The following DLG2 variants were observed in gnomAD, a reference collection of about 807,000 sequenced individuals.
DLG2 encodes disks large homolog 2.
A neutral mutation model predicts 132.5 loss-of-function variants in DLG2; 45 were observed. The observed-to-expected ratio is 0.34, with a 90% CI of 0.27 to 0.44. The LOEUF (loss-of-function observed/expected upper bound fraction) is 0.44, where lower values mean the gene tolerates loss of function less well. Ranked by LOEUF, DLG2 falls within the 20% of genes least tolerant of loss-of-function variation. The pLI, the probability that DLG2 is intolerant of heterozygous loss-of-function variation, is 1.00. For synonymous variants in DLG2, 424 were observed against 419.6 expected, an observed-to-expected ratio of 1.01 and a Z score of -0.13; for missense variants, 1,045 against 1,196.9, an observed-to-expected ratio of 0.87 and a Z score of 1.87.
At chr11:85,592,060 T>C (rs1198428138) in intron 3 of DLG2, among the ~76,000 whole-genome samples, 1 of 152,206 alleles carries the variant, frequency 6.6e-6, no homozygotes, top group East Asian at 1.9e-4. Flanking sequence ...CCCATGCTTC[T>C]CCTATGCCAT....
intron 4 of DLG2, among the ~76,000 whole-genome samples, chr11:85,185,480 C>T (rs1329655209): frequency 6.6e-6 from 1 of 151,970 alleles, no homozygotes; most frequent in Non-Finnish European, 1.5e-5. Flanking sequence ...GTTCTAATGG[C>T]ATCTGCAGTT....
chr11:85,099,766 T>C (rs1221559677), intron 6 of DLG2, among the ~76,000 whole-genome samples: 1 of 152,178 alleles, frequency 6.6e-6, no homozygotes, highest in Non-Finnish European at 1.5e-5. Flanking sequence ...TCCGTGTTTG[T>C]TCCGCAGTGG....
chr11:84,164,395 T>C (rs918518694), intron 8 of DLG2, among the ~76,000 whole-genome samples: 1 of 152,210 alleles, frequency 6.6e-6, no homozygotes, highest in African/African-American at 2.4e-5. Flanking sequence ...GGCAACATCA[T>C]TGGAATTTAG....
intron 7 of DLG2, among the ~76,000 whole-genome samples, chr11:84,287,779 CAA>C (rs4015306): frequency 2.0e-5 from 3 of 147,006 alleles, no homozygotes; most frequent in South Asian, 2.2e-4. Context: ...CACACACACA[CAA>C]ATACTTTATT....
At chr11:84,673,640 T>C (rs187867681) in intron 6 of DLG2, among the ~76,000 whole-genome samples, 11 of 150,118 alleles carry the variant, frequency 7.3e-5, no homozygotes, top group Admixed American at 6.6e-4. Context: ...AATAAATAAA[T>C]CACTAATGTA....
chr11:84,276,368 C>G (rs536402095), intron 7 of DLG2, among the ~76,000 whole-genome samples: 238 of 152,276 alleles, frequency 1.6e-3, no homozygotes, highest in Non-Finnish European at 2.9e-3. Flanking sequence ...AAACTTCCTA[C>G]TTTCTAAGTT....
intron 7 of DLG2, among the ~76,000 whole-genome samples, chr11:84,481,535 G>C (rs2099137701): frequency 1.3e-5 from 2 of 152,238 alleles, no homozygotes; most frequent in Admixed American, 6.5e-5. Context: ...GCCATACGTA[G>C]TATCACACAT....
Position 84,690,964 on chromosome 11 carries a change from T to C in DLG2, c.358-156233A>G, listed in dbSNP as rs530564121. On this transcript the variant is annotated intron_variant, in intron 6 of 27. Coordinates refer to ENST00000376104, the MANE Select transcript of DLG2 (RefSeq NM_001142699.3). ...TATAAGAATTCTTATAACATTGACA[T>C]AAAGAAATGGCTCTCTACTGTAAGA... Among the ~76,000 whole-genome samples, 135 of 151,998 alleles carry C rather than the reference T, an allele frequency of 8.9e-4. 1 individual carries two copies. Among genetic ancestry groups the C allele is most frequent in the African/African-American group, 3.0e-3 (124 of 41,534 alleles).
chr11:84,671,641 C>T lies in DLG2; in HGVS notation c.358-136910G>A, dbSNP rs11234122. Among the ~76,000 whole-genome samples, 6,678 of 152,136 alleles carry T rather than the reference C, an allele frequency of 0.044. 740 individuals carry two copies. In the East Asian group the frequency reaches 0.49, roughly 11 times the overall value. On this transcript the variant is annotated intron_variant, in intron 6 of 27. Coordinates refer to ENST00000376104, the MANE Select transcript of DLG2 (RefSeq NM_001142699.3). ...TGTGCTCTCAGCAGAGAAAAAGAGA[C>T]AAAATAAAAAGTGACTTGTGCAGAA...
chr11:85,466,959 A>G lies in DLG2; in HGVS notation c.40+131698T>C, dbSNP rs552307315. 1.8e-3 allele frequency among the ~76,000 whole-genome samples: 274 copies of G among 152,226 alleles called. 1 individual carries two copies. Among genetic ancestry groups the G allele is most frequent in the African/African-American group, 6.4e-3 (264 of 41,524 alleles). ...ACCCATGAGCATGGAATGTTCTTCC[A>G]TTTGTTTGTATCCTCTTTTATTTCC... On this transcript the variant is annotated intron_variant, in intron 3 of 27. Transcript: ENST00000376104.
chr11:83,594,877 G>C (rs941545526), intron 19 of DLG2, among the ~76,000 whole-genome samples: 18 of 152,138 alleles, frequency 1.2e-4, no homozygotes, highest in African/African-American at 3.9e-4. Context: ...AATAGAATAG[G>C]CTTAGGCTCC....
chr11:85,368,586 A>G (rs550261230), intron 3 of DLG2, among the ~76,000 whole-genome samples: 1 of 152,306 alleles, frequency 6.6e-6, no homozygotes, highest in Admixed American at 6.5e-5. Flanking sequence ...CTTGTCTTCT[A>G]GAGTATAGAA....
chr11:83,635,652 A>AT (rs1345522523), intron 18 of DLG2, among the ~76,000 whole-genome samples: 2 of 152,278 alleles, frequency 1.3e-5, no homozygotes, highest in Middle Eastern at 3.4e-3. Flanking sequence ...TATTTATTGT[A>AT]TTAAGACTTT....
At chr11:84,853,396 A>G (rs959526270) in intron 6 of DLG2, among the ~76,000 whole-genome samples, 2 of 152,024 alleles carry the variant, frequency 1.3e-5, no homozygotes, top group Non-Finnish European at 2.9e-5. Context: ...ATTCTTCCTG[A>G]GGACAGTCAG....
intron 6 of DLG2, among the ~76,000 whole-genome samples, chr11:84,619,342 C>G (rs918403666): frequency 1.3e-5 from 2 of 151,506 alleles, no homozygotes; most frequent in Non-Finnish European, 3.0e-5. Flanking sequence ...AATACCAAAG[C>G]ACCTAAAATA....
At chr11:83,463,625 C>CA (rs879578096) in intron 26 of DLG2, among the ~76,000 whole-genome samples, 12 of 151,914 alleles carry the variant, frequency 7.9e-5, no homozygotes, top group African/African-American at 2.7e-4. Flanking sequence ...CCTGTCTCCA[C>CA]AAAAAAAATA....
chr11:84,931,826 T>C (rs2048127459), intron 6 of DLG2, among the ~76,000 whole-genome samples: 3 of 152,220 alleles, frequency 2.0e-5, no homozygotes. Flanking sequence ...CAGTGTGAGA[T>C]GGTATCTCTT....
chr11:85,599,191 A>G (rs1483463532), intron 2 of DLG2, among the ~76,000 whole-genome samples: 1 of 152,062 alleles, frequency 6.6e-6, no homozygotes, highest in African/African-American at 2.4e-5. Flanking sequence ...TTCCCACTAT[A>G]TAGTCCACAC....
At chr11:83,636,595 C>T (rs994862415) in intron 18 of DLG2, among the ~76,000 whole-genome samples, 1 of 152,122 alleles carries the variant, frequency 6.6e-6, no homozygotes, top group Non-Finnish European at 1.5e-5. Context: ...CAGGATCTCT[C>T]CATCTCAATC....
Sources: gnomAD v4.1 joint callset for allele counts (sites outside exome capture counted in the v4.1 genomes callset) on GRCh38, gnomAD v4.1.1 for gene constraint, MANE v1.5 for transcripts, NCBI Gene and HGNC (gene_info 2026-07-23, HGNC 2026-07-21) for gene names.